The following SGMS1 variants were observed in gnomAD, a reference collection of about 807,000 sequenced individuals.
SGMS1 encodes sphingomyelin synthase 1, also known as phosphatidylcholine:ceramide cholinephosphotransferase 1.
Under a neutral mutation model 46.2 loss-of-function variants are expected in SGMS1, and 13 were observed. The ratio of observed to expected loss-of-function variants is 0.28; its 90% CI spans 0.18 to 0.45. The LOEUF is 0.45. Ranked by LOEUF, SGMS1 falls within the 20% of genes least tolerant of loss-of-function variation. The pLI is 1.00. For missense variants in SGMS1, 324 were observed against 519.9 expected (o/e 0.62, Z 3.66); for synonymous variants, 203 against 187.8 (o/e 1.08, Z -0.66).
intron 2 of SGMS1, among the ~76,000 whole-genome samples, chr10:50,540,099 C>G (rs1008322696): frequency 2.6e-5 from 4 of 152,118 alleles, no homozygotes; most frequent in African/African-American, 9.7e-5. Flanking sequence ...AATCTGATGA[C>G]CTGTATTAGA....
At chr10:50,592,075 C>G (rs936979896) in intron 1 of SGMS1, among the ~76,000 whole-genome samples, 1 of 152,206 alleles carries the variant, frequency 6.6e-6, no homozygotes, top group Admixed American at 6.5e-5. Context: ...AACACCTGCT[C>G]ACAAGGATGT....
At chr10:50,618,538 A>G (rs944224320) in intron 1 of SGMS1, among the ~76,000 whole-genome samples, 2 of 151,888 alleles carry the variant, frequency 1.3e-5, no homozygotes, top group East Asian at 1.9e-4. Context: ...GTTCAAATTT[A>G]CTAAGAAATC....
At chr10:50,515,074 T>C (rs1393633968) in intron 3 of SGMS1, among the ~76,000 whole-genome samples, 1 of 152,222 alleles carries the variant, frequency 6.6e-6, no homozygotes, top group Non-Finnish European at 1.5e-5. Flanking sequence ...CAAAACCTTA[T>C]TTAGAAACAG....
At chr10:50,479,000 C>A (rs990622162) in intron 3 of SGMS1, among the ~76,000 whole-genome samples, 6 of 136,470 alleles carry the variant, frequency 4.4e-5, no homozygotes, top group African/African-American at 1.6e-4. Flanking sequence ...CATCCACCCC[C>A]CAACCAGTTC....
upstream of SGMS1, chr10:50,624,992 C>G (rs1838908903): frequency 9.7e-7 from 1 of 1,027,336 alleles, no homozygotes; most frequent in African/African-American, 1.7e-5. Context: ...TCGGAACCGA[C>G]CTGGGAGCTG....
intron 2 of SGMS1, among the ~76,000 whole-genome samples, chr10:50,540,195 T>C (rs1838039721): frequency 6.6e-6 from 1 of 152,224 alleles, no homozygotes; most frequent in Non-Finnish European, 1.5e-5. Context: ...GGTGATGACA[T>C]TTTCTGCTAG....
intron 2 of SGMS1, among the ~76,000 whole-genome samples, chr10:50,574,715 C>T (rs1363759420): frequency 3.3e-5 from 5 of 152,040 alleles, no homozygotes; most frequent in East Asian, 1.9e-4. Context: ...TTCACAACAG[C>T]CATGATATGG....
chr10:50,388,470 CT>C (rs1848715373), intron 6 of SGMS1, among the ~76,000 whole-genome samples: 3 of 113,230 alleles, frequency 2.6e-5, no homozygotes, highest in African/African-American at 3.7e-5. Context: ...CCTGTCTCTA[CT>C]AAAAAAAAAA....
chr10:50,529,076 G>A (rs1329098751), intron 2 of SGMS1, among the ~76,000 whole-genome samples: 1 of 152,188 alleles, frequency 6.6e-6, no homozygotes, highest in East Asian at 1.9e-4. Context: ...AACATCAATG[G>A]CATTAGACAG....
chr10:50,401,013 A>T (rs7082757), intron 6 of SGMS1, among the ~76,000 whole-genome samples: 60,708 of 152,036 alleles, frequency 0.4, 12,310 homozygotes, highest in African/African-American at 0.48. Context: ...AACTGTTTGA[A>T]ATAAACACTT....
chr10:50,624,328 C>T (rs1838893113), upstream of SGMS1, among the ~76,000 whole-genome samples: 1 of 152,176 alleles, frequency 6.6e-6, no homozygotes. Context: ...TGCTGGAAGC[C>T]AGGCACGAGT....
intron 7 of SGMS1, chr10:50,341,219 T>A: frequency 2.4e-6 from 1 of 410,084 alleles, no homozygotes; most frequent in Non-Finnish European, 4.9e-6. Context: ...ATTTTAACCT[T>A]CTCTATGAGA....
In SGMS1 at chr10:50,343,761, G is replaced by A. The variant is rs1243760445; in HGVS notation, c.354C>T (p.Ile118=). The change falls in exon 7 of 11, where the codon ATC becomes ATT. Residue 118 remains isoleucine (I), a synonymous_variant. Transcript: ENST00000361781. ...PNGYRKEMIK[I]PMPELERSQY... ...GAGAGCGCTCCAGTTCTGGCATGGG[G>A]ATCTTTATCATCTCTTTCCTATACC... The A allele has an allele frequency of 2.5e-6, 4 of 1,614,016 alleles. No individual in the cohort carries two copies. The highest frequency in any genetic ancestry group is 3.4e-6 in the Non-Finnish European group (4 of 1,180,030).
At chr10:50,455,429 C>A (rs1169916690) in intron 5 of SGMS1, among the ~76,000 whole-genome samples, 1 of 152,204 alleles carries the variant, frequency 6.6e-6, no homozygotes, top group Non-Finnish European at 1.5e-5. Flanking sequence ...GGTCTTCATA[C>A]ATTGATACCC....
intron 5 of SGMS1, among the ~76,000 whole-genome samples, chr10:50,434,065 C>G (rs888543958): frequency 6.6e-6 from 1 of 152,216 alleles, no homozygotes; most frequent in Non-Finnish European, 1.5e-5. Flanking sequence ...ACACCTAATG[C>G]TTAATGATCA....
At chr10:50,329,346 T>C (rs1450709777) in intron 7 of SGMS1, among the ~76,000 whole-genome samples, 1 of 152,216 alleles carries the variant, frequency 6.6e-6, no homozygotes, top group Non-Finnish European at 1.5e-5. Flanking sequence ...CTATTTGACT[T>C]AAAGTGAAAG....
At chr10:50,462,518 T>C (rs1005180947) in intron 4 of SGMS1, among the ~76,000 whole-genome samples, 1 of 152,198 alleles carries the variant, frequency 6.6e-6, no homozygotes, top group Non-Finnish European at 1.5e-5. Context: ...ATGGGTCACT[T>C]GACAGAAACT....
At chr10:50,438,669 G>A (rs958386759) in intron 5 of SGMS1, among the ~76,000 whole-genome samples, 1 of 152,222 alleles carries the variant, frequency 6.6e-6, no homozygotes, top group African/African-American at 2.4e-5. Context: ...TACTACAAAA[G>A]GGAGGTGAAG....
At chr10:50,569,437 C>A (rs1588879920) in intron 2 of SGMS1, among the ~76,000 whole-genome samples, 1 of 152,054 alleles carries the variant, frequency 6.6e-6, no homozygotes, top group East Asian at 1.9e-4. Flanking sequence ...TCTTTCTATC[C>A]TTCCTGTATA....
Sources: allele counts gnomAD v4.1 joint callset (sites outside exome capture counted in the v4.1 genomes callset), GRCh38; gene constraint gnomAD v4.1.1; transcripts MANE v1.5; gene names NCBI Gene and HGNC (gene_info 2026-07-23, HGNC 2026-07-21).